The following ZFR variants were observed in gnomAD, a reference collection of about 807,000 sequenced individuals.
ZFR encodes the protein zinc finger RNA binding protein, also known as zinc finger RNA-binding protein.
In ZFR, 19 loss-of-function variants were observed where a neutral mutation model predicts 130.7. The observed-to-expected ratio is 0.15, with a 90% CI of 0.10 to 0.21. The LOEUF is 0.21. ZFR is among the 10% of genes least tolerant of loss of function. The pLI, the probability that ZFR is intolerant of heterozygous loss-of-function variation, is 1.00. For synonymous variants in ZFR, 466 were observed against 456.9 expected, an observed-to-expected ratio of 1.02 and a Z score of -0.25; for missense variants, 872 against 1,321.5, an observed-to-expected ratio of 0.66 and a Z score of 5.27.
At chr5:32,370,290 T>C (rs147663926) in intron 17 of ZFR, among the ~76,000 whole-genome samples, 14 of 148,968 alleles carry the variant, frequency 9.4e-5, no homozygotes, top group Middle Eastern at 3.4e-3. Context: ...AAATATATAA[T>C]AACATTGTGT....
In ZFR at chr5:32,364,269, C is replaced by G; in HGVS notation, c.2842G>C (p.Glu948Gln). The G allele has an allele frequency of 6.3e-7, 1 of 1,589,648 alleles. No homozygotes were observed. The highest frequency in any genetic ancestry group is 1.3e-5 in the African/African-American group (1 of 74,538). Residue 948 changes from glutamate (E) to glutamine (Q), a missense_variant, in exon 18 of 20, where the codon GAG becomes CAG. Around this residue, in one of 7 missense-constraint regions of ZFR, gnomAD observed 158 missense variants for 264.0 expected, o/e 0.60. Transcript: ENST00000265069. ...CTGATTGCTTTCTCTACTAGTAACT[C>G]CATAGCCTAAAAATACAACATAAAA... ...TWSDFPSWAM[E>Q]LLVEKAISSA...
At chr5:32,388,371 T>A in intron 13 of ZFR, 98 bp downstream of exon 13, 2 of 1,156,456 alleles carry the variant, frequency 1.7e-6, no homozygotes, top group Non-Finnish European at 2.5e-6. Context: ...CACATAGAAC[T>A]CACACCAGAG....
chr5:32,368,865 G>A (rs1752602083), intron 17 of ZFR, among the ~76,000 whole-genome samples: 2 of 152,098 alleles, frequency 1.3e-5, no homozygotes, highest in South Asian at 2.1e-4. Flanking sequence ...AGATGTTTAT[G>A]CTCTTAAAAT....
chr5:32,385,870 T>C (rs1015555236), intron 14 of ZFR, among the ~76,000 whole-genome samples: 4 of 152,134 alleles, frequency 2.6e-5, no homozygotes, highest in Non-Finnish European at 5.9e-5. Context: ...CCATTGTTTG[T>C]ATTGTGAGTT....
chr5:32,394,688 ATATGT>A (rs748522525), intron 11 of ZFR, among the ~76,000 whole-genome samples: 9 of 152,294 alleles, frequency 5.9e-5, no homozygotes, highest in South Asian at 2.1e-4. Flanking sequence ...AGTTTAGAAG[ATATGT>A]TATATTTCAA....
intron 2 of ZFR, among the ~76,000 whole-genome samples, chr5:32,439,776 C>T (rs1203720342): frequency 2.2e-5 from 3 of 134,628 alleles, no homozygotes; most frequent in Non-Finnish European, 4.5e-5. Flanking sequence ...TACACTGCAG[C>T]CTGGGTGAGA....
Position 32,433,081 on chromosome 5 carries a change from C to T in ZFR, c.137+11148G>A, listed in dbSNP as rs148368641. Among the ~76,000 whole-genome samples the T allele has an allele frequency of 4.6e-5, 7 of 152,236 alleles. No homozygotes were observed. In the East Asian group the frequency reaches 1.4e-3, roughly 29 times the overall value. On this transcript the variant is annotated intron_variant, in intron 2 of 19. Coordinates refer to ENST00000265069, the MANE Select transcript of ZFR (RefSeq NM_016107.5). ...AATAAGACAGCTTATCCTACAATTCCTACCAACTCACTAGAATGGTGTAGA... is the reference window on the plus strand; with the variant it reads ...AATAAGACAGCTTATCCTACAATTCTTACCAACTCACTAGAATGGTGTAGA...
rs1581691781 is a variant in ZFR at position 32,389,824 on chromosome 5, A to C, written c.2142+451T>G. Reference sequence around the variant, plus strand: ...CACAGGAAACATATTCCCTTCCTATAAAAAATGGAGGAAAGATTCTAAATC... The same window carrying C: ...CACAGGAAACATATTCCCTTCCTATCAAAAATGGAGGAAAGATTCTAAATC... On this transcript the variant is annotated intron_variant, in intron 12 of 19. Transcript: ENST00000265069. Among the ~76,000 whole-genome samples the C allele has an allele frequency of 2.0e-5, 3 of 152,320 alleles. No homozygotes were observed. The East Asian group carries it at 5.8e-4, about 29-fold the overall frequency.
chr5:32,361,645 G>A (rs1207819632), intron 19 of ZFR, among the ~76,000 whole-genome samples: 10 of 140,558 alleles, frequency 7.1e-5, no homozygotes, highest in African/African-American at 2.7e-5. Context: ...TTGAGATGGA[G>A]TCTCACTCTG....
intron 4 of ZFR, 66 bp from the exon 5 acceptor site, chr5:32,415,253 C>G: frequency 7.6e-7 from 1 of 1,320,356 alleles, no homozygotes; most frequent in Non-Finnish European, 1.0e-6. Flanking sequence ...TACCAGTATC[C>G]TTAAAAAGCT....
At chr5:32,416,425 A>G (rs991949409) in intron 4 of ZFR, among the ~76,000 whole-genome samples, 1 of 152,138 alleles carries the variant, frequency 6.6e-6, no homozygotes, top group Non-Finnish European at 1.5e-5. Flanking sequence ...GGCCAGCCCA[A>G]CCAACATGGA....
chr5:32,432,146 C>CA (rs1754239226), intron 2 of ZFR, among the ~76,000 whole-genome samples: 1 of 152,044 alleles, frequency 6.6e-6, no homozygotes, highest in African/African-American at 2.4e-5. Context: ...AACCTGCCAC[C>CA]AAACCCGGGT....
chr5:32,385,625 T>C lies in ZFR; in HGVS notation c.2524A>G (p.Ile842Val). The C allele has an allele frequency of 4.3e-6, 7 of 1,613,316 alleles. No homozygotes were observed. Among genetic ancestry groups the C allele is most frequent in the Non-Finnish European group, 5.9e-6 (7 of 1,179,476 alleles). Reference protein sequence around the residue: ...LAVISPEKYDIKCAVSEAAII... With the variant: ...LAVISPEKYDVKCAVSEAAII... ...GCCGCTTCAGATACAGCACATTTTA[T>C]GTCATACTTCTCAGGGCTTATAACC... Residue 842 changes from isoleucine to valine, a missense_variant, in exon 15 of 20, where the codon ATA becomes GTA. By Grantham distance (29) the Ile-to-Val change is conservative. Transcript: ENST00000265069.
chr5:32,399,768 CCA>C (rs1345353908), intron 9 of ZFR, among the ~76,000 whole-genome samples: 13 of 152,124 alleles, frequency 8.5e-5, no homozygotes, highest in South Asian at 6.2e-4. Flanking sequence ...ACTTTGCACA[CCA>C]CAGTGGCAAT....
At chr5:32,441,406 C>T (rs1056746704) in intron 2 of ZFR, among the ~76,000 whole-genome samples, 18 of 152,044 alleles carry the variant, frequency 1.2e-4, no homozygotes, top group Non-Finnish European at 2.2e-4. Context: ...GTTCCAGGAC[C>T]GCTACGTATA....
At chr5:32,363,544 CTTTA>C (rs902377252) in intron 19 of ZFR, among the ~76,000 whole-genome samples, 12 of 152,226 alleles carry the variant, frequency 7.9e-5, no homozygotes, top group South Asian at 6.2e-4. Context: ...TTTTTATTTA[CTTTA>C]TTTGACAGTG....
rs557232384 is a variant in ZFR, at chr5:32,385,786, G to A, written c.2500-137C>T. ...CCAGATTATATACTGCTCCTTCTAG[G>A]AAGCCCTGCCGTACATGCCAGTATT... On this transcript the variant is annotated intron_variant, in intron 14 of 19. Coordinates refer to ENST00000265069, the MANE Select transcript of ZFR (RefSeq NM_016107.5). The A allele has an allele frequency of 1.0e-4, 89 of 856,920 alleles. 2 individuals are homozygous for A. The South Asian group carries it at 1.7e-3, about 16-fold the overall frequency. The allele number at this position is 856,920 out of a possible 1,614,324, so 53.1% of individuals were successfully genotyped here. A position where few individuals can be genotyped will look rare whatever the true frequency, so the allele number is the denominator to read the frequency against.
intron 16 of ZFR, chr5:32,379,529 A>T: frequency 1.4e-5 from 4 of 288,126 alleles, no homozygotes; most frequent in Non-Finnish European, 2.0e-5. Context: ...AATAAAAGAA[A>T]AAGTAAAGAG....
At chr5:32,371,863 GA>G (rs758339856) in intron 17 of ZFR, among the ~76,000 whole-genome samples, 2,308 of 141,108 alleles carry the variant, frequency 0.016, 35 homozygotes, top group African/African-American at 0.042. Context: ...TAGAGGTAGG[GA>G]AAAAAAAAAA....
Sources: allele counts gnomAD v4.1 joint callset (sites outside exome capture counted in the v4.1 genomes callset), GRCh38; gene constraint gnomAD v4.1.1; regional missense constraint gnomAD v4.1.1; transcripts MANE v1.5; gene names NCBI Gene and HGNC (gene_info 2026-07-23, HGNC 2026-07-21).